NAV2: variants seen among roughly 807,000 people sequenced by gnomAD.
NAV2 encodes the protein helicase, APC down-regulated 1.
A neutral mutation model predicts 223.2 loss-of-function variants in NAV2; 54 were observed. The ratio of observed to expected loss-of-function variants is 0.24; its 90% confidence interval spans 0.19 to 0.30. NAV2 has a LOEUF of 0.30. Among genes scored for constraint, NAV2 ranks in the 10% least tolerant of loss-of-function variants. The pLI, the probability that NAV2 is intolerant of heterozygous loss-of-function variation, is 1.00. For synonymous variants in NAV2, 1,279 were observed against 1,239.3 expected, an observed-to-expected ratio of 1.03 and a Z score of -0.67; for missense variants, 2,806 against 3,147.5, an observed-to-expected ratio of 0.89 and a Z score of 2.60.
chr11:19,919,100 T>A (rs2044053958), intron 6 of NAV2, among the ~76,000 whole-genome samples: 4 of 152,170 alleles, frequency 2.6e-5, no homozygotes. Flanking sequence ...TGTGGTTATT[T>A]TAGGATTCCG....
chr11:19,685,237 T>C (rs1490352887), intron 1 of NAV2, among the ~76,000 whole-genome samples: 2 of 152,202 alleles, frequency 1.3e-5, no homozygotes, highest in Admixed American at 1.3e-4. Flanking sequence ...TGCCATCTGC[T>C]TTTAAATCAC....
At chr11:19,810,349 G>GCCTA (rs71443740) in intron 1 of NAV2, among the ~76,000 whole-genome samples, 2 of 151,830 alleles carry the variant, frequency 1.3e-5, no homozygotes, top group Non-Finnish European at 2.9e-5. Flanking sequence ...AATTCTTCCT[G>GCCTA]CCCCAGTCCA....
At chr11:20,025,613 C>T (rs1333266722) in intron 11 of NAV2, among the ~76,000 whole-genome samples, 1 of 152,216 alleles carries the variant, frequency 6.6e-6, no homozygotes, top group Admixed American at 6.5e-5. Context: ...AGGGGACCAC[C>T]TACTTGTCAA....
chr11:19,606,227 C>G (rs1183294065), intron 1 of NAV2, among the ~76,000 whole-genome samples: 3 of 152,224 alleles, frequency 2.0e-5, no homozygotes, highest in Non-Finnish European at 4.4e-5. Context: ...AGCCTACTTA[C>G]TGGTTTGTTA....
intron 1 of NAV2, among the ~76,000 whole-genome samples, chr11:19,488,670 A>C (rs902638509): frequency 6.6e-6 from 1 of 152,256 alleles, no homozygotes; most frequent in Non-Finnish European, 1.5e-5. Context: ...TAATGCATAG[A>C]AAATTAGCAG....
chr11:19,544,271 G>A (rs1199549269), intron 1 of NAV2, among the ~76,000 whole-genome samples: 3 of 152,182 alleles, frequency 2.0e-5, no homozygotes, highest in Non-Finnish European at 4.4e-5. Flanking sequence ...CTCTAATCTC[G>A]AGTTCTTTTC....
chr11:19,914,027 G>A (rs763007631), intron 6 of NAV2, among the ~76,000 whole-genome samples: 6 of 152,200 alleles, frequency 3.9e-5, no homozygotes, highest in Non-Finnish European at 8.8e-5. Flanking sequence ...GCACATCAGA[G>A]CGAATTTTTT....
chr11:19,631,169 A>C (rs540416357), intron 1 of NAV2, among the ~76,000 whole-genome samples: 2 of 151,326 alleles, frequency 1.3e-5, no homozygotes, highest in South Asian at 4.2e-4. Context: ...GGTTAGTTAC[A>C]TATGTATACA....
At chr11:19,620,040 T>C (rs956254030) in intron 1 of NAV2, among the ~76,000 whole-genome samples, 1 of 152,234 alleles carries the variant, frequency 6.6e-6, no homozygotes, top group Non-Finnish European at 1.5e-5. Context: ...TTCTTGTTTT[T>C]GTCAGGTTTG....
chr11:20,038,365 T>C (rs2056597263), intron 12 of NAV2, among the ~76,000 whole-genome samples: 2 of 152,178 alleles, frequency 1.3e-5, no homozygotes, highest in Non-Finnish European at 2.9e-5. Context: ...GAGTTTAAAA[T>C]GTTGAAATGA....
intron 1 of NAV2, among the ~76,000 whole-genome samples, chr11:19,575,041 A>C (rs1015690805): frequency 6.6e-6 from 1 of 152,162 alleles, no homozygotes; most frequent in African/African-American, 2.4e-5. Flanking sequence ...ACAGCTTTGC[A>C]CTTCCAGCCC....
chr11:19,827,304 C>T (rs1048773392), intron 1 of NAV2, among the ~76,000 whole-genome samples: 2 of 152,152 alleles, frequency 1.3e-5, no homozygotes, highest in Non-Finnish European at 2.9e-5. Flanking sequence ...GGCCACAGGT[C>T]ACTCGGTCAC....
chr11:19,725,875 A>G (rs2051191471), intron 1 of NAV2, among the ~76,000 whole-genome samples: 1 of 151,482 alleles, frequency 6.6e-6, no homozygotes, highest in South Asian at 2.1e-4. Flanking sequence ...GCAAATACCA[A>G]CTCTCGCTAC....
intron 11 of NAV2, among the ~76,000 whole-genome samples, chr11:20,010,964 C>T (rs2053517089): frequency 6.6e-6 from 1 of 152,204 alleles, no homozygotes; most frequent in Non-Finnish European, 1.5e-5. Context: ...AACTTCCTGA[C>T]ATTTTAAACT....
At chr11:19,705,021 A>AG (rs1296121374) in intron 1 of NAV2, among the ~76,000 whole-genome samples, 1 of 151,354 alleles carries the variant, frequency 6.6e-6, no homozygotes, top group African/African-American at 2.4e-5. Context: ...AAAAAAAAAA[A>AG]AAAAAAAGAA....
At chr11:19,969,733 G>C (rs1216018987) in intron 10 of NAV2, among the ~76,000 whole-genome samples, 1 of 152,086 alleles carries the variant, frequency 6.6e-6, no homozygotes, top group Admixed American at 6.6e-5. Flanking sequence ...ATGAGGTCAG[G>C]AGATCGAGAC....
At chr11:19,624,041 C>G (rs2047087736) in intron 1 of NAV2, among the ~76,000 whole-genome samples, 1 of 152,178 alleles carries the variant, frequency 6.6e-6, no homozygotes, top group African/African-American at 2.4e-5. Context: ...CACTCCAGAC[C>G]CTCTTTGCCT....
chr11:19,820,238 G>C (rs1360342766), intron 1 of NAV2, among the ~76,000 whole-genome samples: 1 of 152,258 alleles, frequency 6.6e-6, no homozygotes, highest in African/African-American at 2.4e-5. Flanking sequence ...CTGTCAATAA[G>C]TGTGCTTGCA....
At chr11:19,390,803 A>C (rs1327769516) in intron 1 of NAV2, among the ~76,000 whole-genome samples, 2 of 152,162 alleles carry the variant, frequency 1.3e-5, no homozygotes, top group African/African-American at 4.8e-5. Context: ...GAAGAAGCCA[A>C]ATGTACCAGG....
Sources: gnomAD v4.1 joint callset for allele counts (sites outside exome capture counted in the v4.1 genomes callset) on GRCh38, gnomAD v4.1.1 for gene constraint, MANE v1.5 for transcripts, NCBI Gene and HGNC (gene_info 2026-07-23, HGNC 2026-07-21) for gene names.